GABBR2: variants seen among roughly 807,000 people sequenced by gnomAD.
The protein encoded by GABBR2 is gamma-aminobutyric acid type B receptor subunit 2, also known as G-protein coupled receptor 51.
In GABBR2, 23 loss-of-function variants were observed where a neutral mutation model predicts 105.6. The observed-to-expected ratio is 0.22, with a 90% confidence interval of 0.16 to 0.31. The LOEUF (loss-of-function observed/expected upper bound fraction) is 0.31, where lower values mean the gene tolerates loss of function less well. Ranked by LOEUF, GABBR2 falls within the 10% of genes least tolerant of loss-of-function variation. GABBR2 has a pLI of 1.00. For synonymous variants in GABBR2, 478 were observed against 499.7 expected (o/e 0.96, Z 0.58); for missense variants, 734 against 1,245.5 (o/e 0.59, Z 6.18).
At chr9:98,654,617 A>G (rs769159416) in intron 1 of GABBR2, among the ~76,000 whole-genome samples, 1 of 152,228 alleles carries the variant, frequency 6.6e-6, no homozygotes, top group Non-Finnish European at 1.5e-5. Flanking sequence ...CGAGGCAGAC[A>G]TCCTTGAAGA....
chr9:98,694,208 A>G lies in GABBR2; in HGVS notation c.321+14209T>C, dbSNP rs191823099. Reference sequence around the variant, plus strand: ...AAGCTGGTGGGCTAGGCTCTCCCCCAGCCACCCAACTAGCAACCCCCCATG... The same window carrying G: ...AAGCTGGTGGGCTAGGCTCTCCCCCGGCCACCCAACTAGCAACCCCCCATG... On this transcript the variant is annotated intron_variant, in intron 1 of 18. Coordinates refer to ENST00000259455, the MANE Select transcript of GABBR2 (RefSeq NM_005458.8). Among the ~76,000 whole-genome samples, 4 of 152,222 alleles carry G rather than the reference A, an allele frequency of 2.6e-5. 1 individual carries two copies. Among genetic ancestry groups the G allele is most frequent in the Admixed American group, 2.6e-4 (4 of 15,294 alleles).
intron 3 of GABBR2, among the ~76,000 whole-genome samples, chr9:98,518,703 C>A (rs1424417040): frequency 6.6e-6 from 1 of 152,244 alleles, no homozygotes; most frequent in East Asian, 1.9e-4. Flanking sequence ...CTCAGCCCCA[C>A]AGCCAGCCCA....
intron 7 of GABBR2, among the ~76,000 whole-genome samples, chr9:98,426,194 G>C (rs959786062): frequency 6.6e-6 from 1 of 152,168 alleles, no homozygotes; most frequent in Non-Finnish European, 1.5e-5. Flanking sequence ...TCCCCTTTAC[G>C]GGTCATGCTT....
chr9:98,363,090 C>G (rs557141628), intron 12 of GABBR2, among the ~76,000 whole-genome samples: 1 of 152,326 alleles, frequency 6.6e-6, no homozygotes, highest in Admixed American at 6.5e-5. Flanking sequence ...CTCCTAGTCC[C>G]TGGCCGAGCT....
chr9:98,399,165 C>T (rs996943193), intron 8 of GABBR2, among the ~76,000 whole-genome samples: 8 of 151,978 alleles, frequency 5.3e-5, no homozygotes, highest in African/African-American at 1.9e-4. Context: ...ACCAGCCTGG[C>T]CAACATGGTG....
chr9:98,475,315 C>T (rs1359508169), intron 5 of GABBR2, among the ~76,000 whole-genome samples: 1 of 150,838 alleles, frequency 6.6e-6, no homozygotes, highest in Non-Finnish European at 1.5e-5. Flanking sequence ...GGGCTTCTCT[C>T]TAATGAATGA....
At chr9:98,475,422 G>T (rs529268390) in intron 5 of GABBR2, among the ~76,000 whole-genome samples, 1 of 152,022 alleles carries the variant, frequency 6.6e-6, no homozygotes, top group Admixed American at 6.5e-5. Flanking sequence ...TGAATAAAAG[G>T]GTCACCCTAG....
intron 3 of GABBR2, among the ~76,000 whole-genome samples, chr9:98,530,734 C>T (rs1439998474): frequency 1.3e-5 from 2 of 152,072 alleles, no homozygotes; most frequent in African/African-American, 4.8e-5. Context: ...CAGTGAGCTA[C>T]GACTGCACCA....
intron 8 of GABBR2, among the ~76,000 whole-genome samples, chr9:98,403,199 C>G (rs1488861271): frequency 7.0e-6 from 1 of 141,924 alleles, no homozygotes; most frequent in African/African-American, 2.6e-5. Context: ...GAGGCTGAGG[C>G]AGAAGAATCA....
chr9:98,584,184 C>G (rs7870213), intron 1 of GABBR2, among the ~76,000 whole-genome samples: 2,451 of 152,044 alleles, frequency 0.016, 82 homozygotes, highest in African/African-American at 0.056. Context: ...GATATTCTGA[C>G]TGGTTGGCAT....
At chr9:98,318,281 C>T (rs1830754163) in intron 13 of GABBR2, among the ~76,000 whole-genome samples, 1 of 152,170 alleles carries the variant, frequency 6.6e-6, no homozygotes, top group Non-Finnish European at 1.5e-5. Context: ...AGGGGCCACC[C>T]TTTGGGCAGC....
intron 11 of GABBR2, among the ~76,000 whole-genome samples, chr9:98,381,680 T>C (rs1348734541): frequency 6.6e-6 from 1 of 152,206 alleles, no homozygotes; most frequent in Admixed American, 6.5e-5. Context: ...TTTGTAGAGC[T>C]TCTAAAACAG....
intron 1 of GABBR2, among the ~76,000 whole-genome samples, chr9:98,706,113 A>C (rs1336273541): frequency 0.012 from 196 of 16,464 alleles, no homozygotes; most frequent in Middle Eastern, 0.056. Context: ...AAAAAACAAA[A>C]AAAAAAAAAA....
intron 4 of GABBR2, among the ~76,000 whole-genome samples, chr9:98,483,129 G>A (rs1826963823): frequency 6.6e-6 from 1 of 152,080 alleles, no homozygotes; most frequent in Non-Finnish European, 1.5e-5. Flanking sequence ...TTTCCCAAGA[G>A]GCCCTTTCCT....
intron 7 of GABBR2, among the ~76,000 whole-genome samples, chr9:98,438,047 C>A (rs934741772): frequency 1.2e-4 from 18 of 151,642 alleles, no homozygotes; most frequent in African/African-American, 4.1e-4. Flanking sequence ...TCCATTCATC[C>A]ATCCACCCAT....
At chr9:98,570,721 A>G (rs1362711192) in intron 2 of GABBR2, among the ~76,000 whole-genome samples, 1 of 152,202 alleles carries the variant, frequency 6.6e-6, no homozygotes, top group African/African-American at 2.4e-5. Flanking sequence ...TGGGACTGAA[A>G]AAAACTGCAA....
At chr9:98,422,504 G>C (rs915151273) in intron 7 of GABBR2, among the ~76,000 whole-genome samples, 1 of 149,956 alleles carries the variant, frequency 6.7e-6, no homozygotes, top group Non-Finnish European at 1.5e-5. Context: ...ACCTGTGTGT[G>C]TGTGTGTGTG....
intron 7 of GABBR2, among the ~76,000 whole-genome samples, chr9:98,439,618 G>A (rs1408356790): frequency 6.6e-6 from 1 of 152,190 alleles, no homozygotes; most frequent in Non-Finnish European, 1.5e-5. Context: ...ATTTAGGGAT[G>A]TGTGTGTGCA....
chr9:98,612,450 T>C (rs1829518099), intron 1 of GABBR2, among the ~76,000 whole-genome samples: 1 of 152,216 alleles, frequency 6.6e-6, no homozygotes, highest in Non-Finnish European at 1.5e-5. Context: ...AGAGGGCCGC[T>C]TCTAACCCAG....
Sources: gnomAD v4.1 joint callset for allele counts (sites outside exome capture counted in the v4.1 genomes callset) on GRCh38, gnomAD v4.1.1 for gene constraint, MANE v1.5 for transcripts, NCBI Gene and HGNC (gene_info 2026-07-23, HGNC 2026-07-21) for gene names.